The following EPHA6 variants were observed in gnomAD, a reference collection of about 807,000 sequenced individuals.
EPHA6 encodes the protein EPH receptor A6.
In EPHA6, 50 loss-of-function variants were observed where a neutral mutation model predicts 112.0. The ratio of observed to expected loss-of-function variants is 0.45; its 90% confidence interval spans 0.36 to 0.56. EPHA6 has a LOEUF of 0.56. Among genes scored for constraint, EPHA6 ranks in the 20% least tolerant of loss-of-function variants. The pLI is 0.00. For synonymous variants in EPHA6, 529 were observed against 490.7 expected (o/e 1.08, Z -1.03); for missense variants, 1,280 against 1,417.4 (o/e 0.90, Z 1.56).
At chr3:97,283,592 C>T (rs1476523006) in intron 5 of EPHA6, among the ~76,000 whole-genome samples, 2 of 151,946 alleles carry the variant, frequency 1.3e-5, no homozygotes, top group East Asian at 1.9e-4. Context: ...ACATCACACA[C>T]CGGAGCCTTT....
chr3:97,751,838 G>A lies in EPHA6; in HGVS notation c.*3137G>A, dbSNP rs1313892890. Among the ~76,000 whole-genome samples, 1 of 151,852 alleles carries A rather than the reference G, an allele frequency of 6.6e-6. No individual in the cohort carries two copies. The highest frequency in any genetic ancestry group is 1.5e-5 in the Non-Finnish European group (1 of 67,930). On this transcript the variant is annotated 3_prime_UTR_variant, in exon 18 of 18. Coordinates refer to ENST00000389672, the MANE Select transcript of EPHA6 (RefSeq NM_001080448.3). ...ATGTCTTGATCTATGCTACTGAGGG[G>A]GTGTTTTGGATTTTAAAACCAGACA... is the stretch of plus-strand genomic sequence containing the variant.
At chr3:97,641,538 T>A (rs1315531303) in intron 14 of EPHA6, among the ~76,000 whole-genome samples, 1 of 152,172 alleles carries the variant, frequency 6.6e-6, no homozygotes, top group African/African-American at 2.4e-5. Flanking sequence ...ACCGGGTTCA[T>A]CTCACTAGGG....
intron 5 of EPHA6, among the ~76,000 whole-genome samples, chr3:97,275,224 G>T (rs1301089495): frequency 6.6e-6 from 1 of 152,176 alleles, no homozygotes; most frequent in African/African-American, 2.4e-5. Context: ...AGGTTTGGGA[G>T]ATTAGTCAGA....
chr3:97,421,198 A>G (rs1377052458), intron 6 of EPHA6, among the ~76,000 whole-genome samples: 1 of 152,024 alleles, frequency 6.6e-6, no homozygotes, highest in Admixed American at 6.6e-5. Context: ...ATGGGATAAA[A>G]ATAAAATAAA....
chr3:96,948,787 T>A (rs2107712996), intron 2 of EPHA6, among the ~76,000 whole-genome samples: 1 of 152,280 alleles, frequency 6.6e-6, no homozygotes, highest in Middle Eastern at 3.4e-3. Context: ...CAAGATTGTT[T>A]GCTAAGTAAA....
At chr3:97,187,053 A>C (rs2077159097) in intron 3 of EPHA6, among the ~76,000 whole-genome samples, 1 of 152,154 alleles carries the variant, frequency 6.6e-6, no homozygotes, top group South Asian at 2.1e-4. Flanking sequence ...TGCATTAACT[A>C]AGTTATGTTG....
intron 5 of EPHA6, among the ~76,000 whole-genome samples, chr3:97,266,044 A>AAAAGG (rs1278229346): frequency 1.3e-5 from 2 of 152,212 alleles, no homozygotes; most frequent in Admixed American, 1.3e-4. Flanking sequence ...TGAAGAAAAG[A>AAAAGG]AAAGGGAAGA....
At chr3:97,340,710 C>A (rs2083263218) in intron 5 of EPHA6, among the ~76,000 whole-genome samples, 1 of 152,148 alleles carries the variant, frequency 6.6e-6, no homozygotes, top group Admixed American at 6.5e-5. Context: ...TCTTTCCTGA[C>A]TTGTAGACAG....
At chr3:97,377,959 C>T (rs571282095) in intron 5 of EPHA6, among the ~76,000 whole-genome samples, 17 of 152,300 alleles carry the variant, frequency 1.1e-4, no homozygotes, top group South Asian at 4.1e-4. Context: ...AGGAGAAATT[C>T]CAGCTGCCAG....
At chr3:97,402,211 A>G (rs1167831912) in intron 5 of EPHA6, among the ~76,000 whole-genome samples, 1 of 151,604 alleles carries the variant, frequency 6.6e-6, no homozygotes, top group Non-Finnish European at 1.5e-5. Flanking sequence ...TACTTTTTTG[A>G]TTTTCTGTCT....
intron 2 of EPHA6, among the ~76,000 whole-genome samples, chr3:96,969,834 T>C (rs144730317): frequency 6.6e-6 from 1 of 152,100 alleles, no homozygotes; most frequent in Admixed American, 6.6e-5. Flanking sequence ...TGCTAAATAC[T>C]TTCTCCTTCA....
rs370326315 is a variant in EPHA6 at position 97,638,046 on chromosome 3, G to A, written c.2748G>A (p.Val916=). 6.2e-7 allele frequency: 1 copy of A among 1,613,794 alleles called. No individual in the cohort carries two copies. Among genetic ancestry groups the A allele is most frequent in the South Asian group, 1.1e-5 (1 of 91,074 alleles). ...CKVSDFGLSR[V]LEDDPEAAYT... The stretch of plus-strand genomic sequence containing the variant: ...TTTCTGATTTTGGTCTCTCCAGAGT[G>A]CTGGAAGATGATCCAGAAGCTGCTT... The change falls in exon 14 of 18, where the codon GTG becomes GTA. Residue 916 remains valine, a synonymous_variant. Transcript: ENST00000389672.
intron 2 of EPHA6, among the ~76,000 whole-genome samples, chr3:96,892,814 A>C (rs1479685254): frequency 6.6e-6 from 1 of 152,016 alleles, no homozygotes; most frequent in Non-Finnish European, 1.5e-5. Context: ...AGTCTTTCAT[A>C]ATTTTTAATT....
At chr3:97,462,488 A>C (rs568588899) in intron 7 of EPHA6, among the ~76,000 whole-genome samples, 6 of 152,176 alleles carry the variant, frequency 3.9e-5, no homozygotes, top group Non-Finnish European at 7.4e-5. Flanking sequence ...GGAAATGAGA[A>C]GACTTATGTA....
chr3:96,924,490 A>C (rs1375849798), intron 2 of EPHA6, among the ~76,000 whole-genome samples: 3 of 152,068 alleles, frequency 2.0e-5, no homozygotes, highest in Non-Finnish European at 4.4e-5. Flanking sequence ...TTGCATATTG[A>C]TTTTGGATCC....
chr3:97,287,082 A>G (rs1283841575), intron 5 of EPHA6, among the ~76,000 whole-genome samples: 1 of 151,242 alleles, frequency 6.6e-6, no homozygotes, highest in South Asian at 2.1e-4. Flanking sequence ...TGATTTTTGT[A>G]TGTTGATTTT....
rs1270806111 is a variant in EPHA6 at position 97,492,501 on chromosome 3, C to T, written c.2200+8442C>T. Among the ~76,000 whole-genome samples the T allele has an allele frequency of 2.4e-4, 30 of 127,478 alleles. 1 individual carries two copies. Among genetic ancestry groups the T allele is most frequent in the Non-Finnish European group, 3.6e-4 (23 of 63,648 alleles). 83.6% of individuals were successfully genotyped at this position (127,478 alleles called of 152,430 possible). ...AGATTGTAGTGAACCGAGATAGTGC[C>T]ACTGCACTCCATCCTGGGTGACAGA... On this transcript the variant is annotated intron_variant, in intron 10 of 17. Coordinates refer to ENST00000389672, the MANE Select transcript of EPHA6 (RefSeq NM_001080448.3).
At chr3:97,648,837 T>G (rs1157439920) in intron 14 of EPHA6, among the ~76,000 whole-genome samples, 1 of 152,164 alleles carries the variant, frequency 6.6e-6, no homozygotes, top group East Asian at 1.9e-4. Flanking sequence ...CTTTATCCAT[T>G]GAAATTCTAC....
chr3:97,337,293 C>A (rs1395643978), intron 5 of EPHA6, among the ~76,000 whole-genome samples: 1 of 152,064 alleles, frequency 6.6e-6, no homozygotes, highest in Non-Finnish European at 1.5e-5. Context: ...GGAAGATTTT[C>A]AAATAGTAAA....
Sources: allele counts gnomAD v4.1 joint callset (sites outside exome capture counted in the v4.1 genomes callset), GRCh38; gene constraint gnomAD v4.1.1; transcripts MANE v1.5; gene names NCBI Gene and HGNC (gene_info 2026-07-23, HGNC 2026-07-21).